Variants in LOC128462377 observed in about 807,000 individuals in gnomAD.
the LOC128462377 span, among the ~76,000 whole-genome samples, chr16:89,356,559 CAGG>C: frequency 6.7e-6 from 1 of 149,512 alleles, no homozygotes; most frequent in East Asian, 2.0e-4. Flanking sequence ...ATCACGAGGT[CAGG>C]AGATCGAGAC....
the LOC128462377 span, among the ~76,000 whole-genome samples, chr16:89,375,861 C>A: frequency 1.3e-5 from 2 of 152,006 alleles, no homozygotes; most frequent in Non-Finnish European, 2.9e-5. Flanking sequence ...CACCACAGAC[C>A]CACACAAAGT....
chr16:89,380,574 T>C, the LOC128462377 span, among the ~76,000 whole-genome samples: 1 of 152,196 alleles, frequency 6.6e-6, no homozygotes, highest in Non-Finnish European at 1.5e-5. Flanking sequence ...CCCGCTGCCT[T>C]GGGACTTGTG....
the LOC128462377 span, among the ~76,000 whole-genome samples, chr16:89,396,318 T>G: frequency 6.6e-6 from 1 of 152,206 alleles, no homozygotes; most frequent in South Asian, 2.1e-4. Flanking sequence ...TGTGCTGACC[T>G]GGGTCACCTC....
At chr16:89,381,288 C>T in the LOC128462377 span, among the ~76,000 whole-genome samples, 4 of 141,842 alleles carry the variant, frequency 2.8e-5, no homozygotes, top group Non-Finnish European at 4.5e-5. Flanking sequence ...GGCGACAATG[C>T]GCCACTGCAC....
the LOC128462377 span, chr16:89,324,946 G>A: frequency 3.8e-5 from 7 of 184,244 alleles, no homozygotes; most frequent in African/African-American, 1.7e-4. Context: ...TGTCCCTCTA[G>A]AGAACCCTGA....
the LOC128462377 span, among the ~76,000 whole-genome samples, chr16:89,342,224 T>G: frequency 2.0e-5 from 3 of 152,248 alleles, no homozygotes; most frequent in East Asian, 5.8e-4. Context: ...GAGAAAAAGA[T>G]GAGGTCAACT....
chr16:89,415,932 C>T, the LOC128462377 span, among the ~76,000 whole-genome samples: 5 of 151,858 alleles, frequency 3.3e-5, no homozygotes, highest in South Asian at 8.4e-4. Context: ...TCACACTGCG[C>T]CCAACCTCTG....
the LOC128462377 span, among the ~76,000 whole-genome samples, chr16:89,319,737 T>C: frequency 6.6e-6 from 1 of 152,236 alleles, no homozygotes; most frequent in Non-Finnish European, 1.5e-5. Flanking sequence ...AGCTGCCATC[T>C]AGCCCAGGCT....
At chr16:89,374,063 G>A in the LOC128462377 span, among the ~76,000 whole-genome samples, 2 of 152,226 alleles carry the variant, frequency 1.3e-5, no homozygotes, top group Non-Finnish European at 1.5e-5. Context: ...GCAAGTGTGA[G>A]GCCCGCAGAG....
chr16:89,408,322 C>G, the LOC128462377 span, among the ~76,000 whole-genome samples: 35 of 152,350 alleles, frequency 2.3e-4, no homozygotes, highest in East Asian at 6.7e-3. Flanking sequence ...GACATGGTGA[C>G]CAGGACAAAG....
the LOC128462377 span, among the ~76,000 whole-genome samples, chr16:89,334,169 A>AAC: frequency 0.04 from 4,327 of 107,306 alleles, 571 homozygotes; most frequent in African/African-American, 0.052. Context: ...AAAAAAAAAA[A>AAC]AAAACAGAGA....
chr16:89,356,410 G>C, the LOC128462377 span, among the ~76,000 whole-genome samples: 1 of 151,946 alleles, frequency 6.6e-6, no homozygotes, highest in Non-Finnish European at 1.5e-5. Context: ...AAGCCAGATG[G>C]AGCAGCTGGA....
At chr16:89,386,673 C>G in the LOC128462377 span, among the ~76,000 whole-genome samples, 1 of 152,234 alleles carries the variant, frequency 6.6e-6, no homozygotes, top group African/African-American at 2.4e-5. Context: ...ACTCCCTTAC[C>G]TTCTGCTAGG....
chr16:89,375,502 C>T, the LOC128462377 span, among the ~76,000 whole-genome samples: 142 of 152,078 alleles, frequency 9.3e-4, no homozygotes, highest in Non-Finnish European at 1.7e-3. Context: ...TCTTGTCGCC[C>T]GGGCTGGAGT....
At chr16:89,404,106 C>CATA in the LOC128462377 span, among the ~76,000 whole-genome samples, 4 of 152,212 alleles carry the variant, frequency 2.6e-5, no homozygotes, top group African/African-American at 9.7e-5. Context: ...TAGCCCGGCA[C>CATA]ATGATTGTGA....
chr16:89,410,396 G>A, the LOC128462377 span, among the ~76,000 whole-genome samples: 3 of 152,228 alleles, frequency 2.0e-5, no homozygotes, highest in Admixed American at 6.5e-5. Flanking sequence ...AGGAAATGGA[G>A]ATAATAAACA....
the LOC128462377 span, among the ~76,000 whole-genome samples, chr16:89,385,851 C>A: frequency 6.6e-6 from 1 of 152,242 alleles, no homozygotes. Context: ...CAGACACCAG[C>A]GGCTCGCCAA....
the LOC128462377 span, among the ~76,000 whole-genome samples, chr16:89,318,550 C>T: frequency 2.3e-5 from 3 of 129,228 alleles, no homozygotes; most frequent in East Asian, 2.3e-4. Flanking sequence ...TTTTGAAACA[C>T]GATGTGCAGA....
the LOC128462377 span, among the ~76,000 whole-genome samples, chr16:89,386,828 G>T: frequency 8.0e-4 from 122 of 152,312 alleles, 1 homozygote; most frequent in African/African-American, 2.8e-3. Flanking sequence ...GCAGAAGCCT[G>T]AAGACTCAGT....
Sources: allele counts gnomAD v4.1 joint callset (sites outside exome capture counted in the v4.1 genomes callset), GRCh38; gene constraint gnomAD v4.1.1; transcripts MANE v1.5.